The following XKR4 variants were observed in gnomAD, a reference collection of about 807,000 sequenced individuals.
XKR4 encodes XK-related protein 4.
In XKR4, 12 loss-of-function variants were observed where a neutral mutation model predicts 53.9. That is an observed-to-expected ratio of 0.22 (90% CI 0.14 to 0.36). XKR4 has a LOEUF of 0.36. XKR4 is among the 10% of genes least tolerant of loss of function. The pLI, the probability that XKR4 is intolerant of heterozygous loss-of-function variation, is 1.00. For missense variants in XKR4, 799 were observed against 859.5 expected (o/e 0.93, Z 0.88); for synonymous variants, 354 against 362.4 (o/e 0.98, Z 0.26).
chr8:55,124,567 A>G (rs1292571909), intron 1 of XKR4, among the ~76,000 whole-genome samples: 1 of 152,242 alleles, frequency 6.6e-6, no homozygotes, highest in East Asian at 1.9e-4. Context: ...CATTTTTAAA[A>G]TCACAATTCC....
At chr8:55,507,314 G>T (rs1304640685) in intron 2 of XKR4, among the ~76,000 whole-genome samples, 1 of 151,846 alleles carries the variant, frequency 6.6e-6, no homozygotes, top group Admixed American at 6.6e-5. Context: ...GAAAATAATT[G>T]ATTCTCATCC....
At chr8:55,264,988 G>C (rs1818576620) in intron 1 of XKR4, among the ~76,000 whole-genome samples, 1 of 152,206 alleles carries the variant, frequency 6.6e-6, no homozygotes, top group African/African-American at 2.4e-5. Flanking sequence ...GCTACAGCCA[G>C]GTTTCCACAG....
At chr8:55,233,671 A>AAAT (rs1454495837) in intron 1 of XKR4, among the ~76,000 whole-genome samples, 2 of 152,270 alleles carry the variant, frequency 1.3e-5, no homozygotes, top group African/African-American at 4.8e-5. Context: ...CAAAGTATGC[A>AAAT]AATGCCTGAA....
chr8:55,459,866 G>GT (rs1805624368), intron 2 of XKR4, among the ~76,000 whole-genome samples: 1 of 152,056 alleles, frequency 6.6e-6, no homozygotes, highest in Non-Finnish European at 1.5e-5. Flanking sequence ...GTTTGATGGG[G>GT]TTTTTTAAAG....
intron 2 of XKR4, among the ~76,000 whole-genome samples, chr8:55,376,594 T>G (rs1324770523): frequency 6.6e-6 from 1 of 152,202 alleles, no homozygotes; most frequent in Non-Finnish European, 1.5e-5. Context: ...TCTTGTAAAT[T>G]TGCTTAAGTT....
In XKR4 at chr8:55,196,822, G is replaced by A. The variant is rs911102183; in HGVS notation, c.806+93528G>A. On this transcript the variant is annotated intron_variant, in intron 1 of 2. Coordinates refer to ENST00000327381, the MANE Select transcript of XKR4 (RefSeq NM_052898.2). The stretch of plus-strand genomic sequence containing the variant: ...ACAGCATAAAATGGATAAAATGGAC[G>A]AAATGAAGGATGACCCTCTTTTTGG... Among the ~76,000 whole-genome samples, 18 of 152,300 alleles carry A rather than the reference G, an allele frequency of 1.2e-4. 1 individual carries two copies. The highest frequency in any genetic ancestry group is 8.5e-4 in the Admixed American group (13 of 15,300).
intron 1 of XKR4, among the ~76,000 whole-genome samples, chr8:55,149,360 G>T (rs187688437): frequency 1.3e-5 from 2 of 152,152 alleles, no homozygotes; most frequent in African/African-American, 2.4e-5. Flanking sequence ...GCTGCCTTAC[G>T]CTGTGACGTA....
At chr8:55,141,661 C>CTCTCTCTCTCTCTCTCTA (rs1482781248) in intron 1 of XKR4, among the ~76,000 whole-genome samples, 5 of 148,468 alleles carry the variant, frequency 3.4e-5, no homozygotes, top group African/African-American at 1.2e-4. Flanking sequence ...CTCTCTCTCT[C>CTCTCTCTCTCTCTCTCTA]TCTCTCTCTC....
At chr8:55,493,028 T>C (rs943328451) in intron 2 of XKR4, among the ~76,000 whole-genome samples, 9 of 152,140 alleles carry the variant, frequency 5.9e-5, no homozygotes, top group African/African-American at 2.2e-4. Flanking sequence ...ACTCTTTGGG[T>C]CTGGGGGAAA....
chr8:55,454,349 TG>T, intron 2 of XKR4: 1 of 1,508,726 alleles, frequency 6.6e-7, no homozygotes. Flanking sequence ...CTCCAGCAGC[TG>T]GGCCGGCAGG....
chr8:55,432,511 CAGAT>C (rs1805117848), intron 2 of XKR4, among the ~76,000 whole-genome samples: 1 of 152,172 alleles, frequency 6.6e-6, no homozygotes, highest in South Asian at 2.1e-4. Context: ...TAGAAAAAGA[CAGAT>C]AGTGAGAGCA....
chr8:55,341,935 C>T (rs1388323531), intron 1 of XKR4, among the ~76,000 whole-genome samples: 1 of 152,082 alleles, frequency 6.6e-6, no homozygotes, highest in Admixed American at 6.5e-5. Context: ...TGAGGGCAGT[C>T]TCATCTTGTC....
chr8:55,362,716 A>G (rs565489471), intron 2 of XKR4, among the ~76,000 whole-genome samples: 2 of 152,272 alleles, frequency 1.3e-5, no homozygotes, highest in East Asian at 1.9e-4. Flanking sequence ...TAGTTTTGTG[A>G]TTGTCATATT....
At chr8:55,502,374 A>C (rs1043347438) in intron 2 of XKR4, among the ~76,000 whole-genome samples, 1 of 93,070 alleles carries the variant, frequency 1.1e-5, no homozygotes, top group African/African-American at 4.3e-5. Flanking sequence ...CATTCTCACC[A>C]ACACCTGCTA....
intron 1 of XKR4, among the ~76,000 whole-genome samples, chr8:55,226,784 C>A (rs1817958821): frequency 6.6e-6 from 1 of 152,154 alleles, no homozygotes; most frequent in Non-Finnish European, 1.5e-5. Flanking sequence ...CCTTTAATAC[C>A]TCTTGTTTGA....
At chr8:55,233,753 C>G (rs1332491163) in intron 1 of XKR4, among the ~76,000 whole-genome samples, 1 of 152,210 alleles carries the variant, frequency 6.6e-6, no homozygotes, top group Non-Finnish European at 1.5e-5. Context: ...TTTGCTTTAG[C>G]CTTTCATTTC....
At chr8:55,465,593 A>G (rs1585589742) in intron 2 of XKR4, among the ~76,000 whole-genome samples, 1 of 151,674 alleles carries the variant, frequency 6.6e-6, no homozygotes, top group Non-Finnish European at 1.5e-5. Flanking sequence ...CTTCATGTCT[A>G]AAACACCAAA....
rs772993526 is a variant in XKR4 at position 55,354,904 on chromosome 8, AT to A, written c.807-2758del. ...GATGGATAGGACTCATCAGTATAGA[AT>A]TTTTTTTTTTTTTTTGAGATGGAGT... On this transcript the variant is annotated intron_variant, in intron 1 of 2. Coordinates refer to ENST00000327381, the MANE Select transcript of XKR4 (RefSeq NM_052898.2). Among the ~76,000 whole-genome samples, 1,022 of 142,536 alleles carry A rather than the reference AT, an allele frequency of 7.2e-3. 4 individuals are homozygous for A. The highest frequency in any genetic ancestry group is 0.011 in the African/African-American group (433 of 38,672). The allele number at this position is 142,536 out of a possible 152,430, so 93.5% of individuals were successfully genotyped here. A position where few individuals can be genotyped will look rare whatever the true frequency, so the allele number is the denominator to read the frequency against.
Position 55,102,893 on chromosome 8 carries a change from C to T in XKR4, c.405C>T (p.Asp135=), listed in dbSNP as rs1381864519. 4.3e-6 allele frequency: 7 copies of T among 1,612,206 alleles called. No individual in the cohort carries two copies. The highest frequency in any genetic ancestry group is 5.9e-6 in the Non-Finnish European group (7 of 1,179,924). ...DVGTDVWLAV[D]YYLRGQRWWF... ...GCACAGACGTCTGGCTCGCCGTGGA[C>T]TACTACCTGCGCGGCCAGCGCTGGT... The change falls in exon 1 of 3, where the codon GAC becomes GAT. Residue 135 remains aspartate, a synonymous_variant. Coordinates refer to ENST00000327381, the MANE Select transcript of XKR4 (RefSeq NM_052898.2). The surrounding 1 kb of genome is among the most constrained non-coding windows in gnomAD (Gnocchi z 5.1).
Sources: allele counts gnomAD v4.1 joint callset (sites outside exome capture counted in the v4.1 genomes callset), GRCh38; gene constraint gnomAD v4.1.1; non-coding constraint Gnocchi (gnomAD v3.1); transcripts MANE v1.5; gene names NCBI Gene and HGNC (gene_info 2026-07-23, HGNC 2026-07-21).